The following LRCH3 variants were observed in gnomAD, a reference collection of about 807,000 sequenced individuals.
LRCH3 encodes the protein DISP complex protein LRCH3.
LRCH3 carries 68 observed loss-of-function variants against 104.5 expected under a neutral mutation model. The observed-to-expected ratio is 0.65, with a 90% CI of 0.54 to 0.80. The LOEUF is 0.80. Ranked by LOEUF, LRCH3 falls within the 30% of genes least tolerant of loss-of-function variation. The probability of loss-of-function intolerance (pLI) is 0.00; values close to 1 mark genes in which losing one functional copy is unlikely to be tolerated. For missense variants in LRCH3, 951 were observed against 953.9 expected (o/e 1.00, Z 0.04); for synonymous variants, 344 against 361.3 (o/e 0.95, Z 0.54).
At chr3:197,791,687 C>A in intron 1 of LRCH3, 147 bp downstream of exon 1, 1 of 949,020 alleles carries the variant, frequency 1.1e-6, no homozygotes, top group Non-Finnish European at 1.5e-6. Flanking sequence ...GCCGACGGCG[C>A]CAGCCCTCCG....
intron 4 of LRCH3, among the ~76,000 whole-genome samples, chr3:197,823,664 T>A (rs968241466): frequency 6.6e-6 from 1 of 151,874 alleles, no homozygotes; most frequent in Non-Finnish European, 1.5e-5. Flanking sequence ...AATTTTGTAT[T>A]GTTTTGTAGA....
chr3:197,877,492 A>G (rs1713021451), intron 20 of LRCH3, among the ~76,000 whole-genome samples: 1 of 120,962 alleles, frequency 8.3e-6, no homozygotes, highest in Non-Finnish European at 1.7e-5. Context: ...CACCCATGGC[A>G]GTGATTCTCT....
intron 9 of LRCH3, 118 bp from the exon 10 acceptor site, chr3:197,839,201 GTC>G (rs1234275400): frequency 7.8e-6 from 5 of 644,160 alleles, no homozygotes; most frequent in Non-Finnish European, 1.3e-5. Context: ...CATTTGAAGA[GTC>G]TATTAAAATG....
chr3:197,812,737 T>C (rs1488454803), intron 1 of LRCH3, among the ~76,000 whole-genome samples: 3 of 152,130 alleles, frequency 2.0e-5, no homozygotes, highest in African/African-American at 7.2e-5. Context: ...AATTTTTGTA[T>C]TTTTTGTGGA....
chr3:197,848,101 T>C, intron 12 of LRCH3, 80 bp downstream of exon 12: 1 of 1,459,042 alleles, frequency 6.9e-7, no homozygotes, highest in Non-Finnish European at 9.4e-7. Context: ...TGGTTTTTAT[T>C]GTCCATTAAA....
rs74570124 is a variant in LRCH3, at chr3:197,848,041, C to T, written c.1530+20C>T. On this transcript the variant is annotated intron_variant, in intron 12 of 20. Transcript: ENST00000425562. ...GTCAAAGTGAGTCGTTTGAATGATGCTGTTCAAGCTGCTGACTGGCTAAGT... is the reference window on the plus strand; with the variant it reads ...GTCAAAGTGAGTCGTTTGAATGATGTTGTTCAAGCTGCTGACTGGCTAAGT... 3.1e-6 allele frequency: 5 copies of T among 1,612,446 alleles called. No individual in the cohort carries two copies. The highest frequency in any genetic ancestry group is 1.7e-5 in the Admixed American group (1 of 59,880).
chr3:197,875,325 T>C (rs571367400), intron 19 of LRCH3, among the ~76,000 whole-genome samples: 2 of 152,336 alleles, frequency 1.3e-5, no homozygotes, highest in East Asian at 1.9e-4. Context: ...TTGAGAGTTA[T>C]GAAGCGATTG....
At chr3:197,838,760 T>C (rs1230949297) in intron 9 of LRCH3, among the ~76,000 whole-genome samples, 1 of 152,262 alleles carries the variant, frequency 6.6e-6, no homozygotes, top group Admixed American at 6.5e-5. Flanking sequence ...ATATTTTCCT[T>C]TTAAATACGG....
In LRCH3 at chr3:197,827,079, A is replaced by G. The variant is rs1461694789; in HGVS notation, c.777+65A>G. 2.5e-6 allele frequency: 4 copies of G among 1,594,362 alleles called. No homozygotes were observed. The African/African-American group carries it at 4.1e-5, about 16-fold the overall frequency. On this transcript the variant is annotated intron_variant, in intron 5 of 20. Coordinates refer to ENST00000425562, the MANE Select transcript of LRCH3 (RefSeq NM_001365715.1). ...GCATCAGGTAAACCACGGTGGAAGC[A>G]TCTGGTGAACCATAGTGGAAGCATC...
intron 8 of LRCH3, among the ~76,000 whole-genome samples, chr3:197,834,326 GAGA>G (rs1428408150): frequency 6.6e-6 from 1 of 152,236 alleles, no homozygotes; most frequent in East Asian, 1.9e-4. Flanking sequence ...AAAGCATTTT[GAGA>G]AGAAGAAACT....
chr3:197,825,437 A>T (rs1456366794), intron 4 of LRCH3, among the ~76,000 whole-genome samples: 3 of 34,046 alleles, frequency 8.8e-5, no homozygotes, highest in Admixed American at 5.8e-4. Context: ...ATTGGATGTT[A>T]TTAGACCTCT....
Position 197,866,241 on chromosome 3 carries a change from A to G in LRCH3, c.1873+22A>G, listed in dbSNP as rs2109494066. On this transcript the variant is annotated intron_variant, in intron 17 of 20. Transcript: ENST00000425562. ...AAAGGTAGGTGGTGGTGATTTTAAA[A>G]GCCAGGAGCGAGGGGAGGTTTACAC... 4 of 1,579,198 alleles carry G rather than the reference A, an allele frequency of 2.5e-6. No homozygotes were observed. In the African/African-American group the frequency reaches 4.0e-5, roughly 16 times the overall value.
chr3:197,840,264 G>A (rs773796609), intron 10 of LRCH3, among the ~76,000 whole-genome samples: 17 of 151,948 alleles, frequency 1.1e-4, no homozygotes, highest in Admixed American at 2.0e-4. Flanking sequence ...GTGGTGAAAC[G>A]CCGTCTCTAC....
chr3:197,880,715 A>G, intron 20 of LRCH3: 2 of 1,536,724 alleles, frequency 1.3e-6, no homozygotes, highest in Non-Finnish European at 1.7e-6. Flanking sequence ...CCGCTCGCTG[A>G]AAGATTGCAC....
chr3:197,874,024 G>GAAAAAAAAA (rs34903890), intron 19 of LRCH3, among the ~76,000 whole-genome samples: 1 of 112,296 alleles, frequency 8.9e-6, no homozygotes. Flanking sequence ...TGTCTCAAAA[G>GAAAAAAAAA]AAAAAAAAAA....
Position 197,883,088 on chromosome 3 carries a change from A to G in LRCH3, c.2209-453A>G, listed in dbSNP as rs1471183350. On this transcript the variant is annotated intron_variant, in intron 20 of 20. Transcript: ENST00000425562. The surrounding 1 kb of genome is among the most constrained non-coding windows in gnomAD (Gnocchi z 4.2). ...CTCATGCAGGCTGAGTTATGTTTTC[A>G]AACTATCTTTCATTCTTGTGGTAGG... The G allele has an allele frequency of 1.0e-6, 1 of 985,896 alleles. No homozygotes were observed. Among genetic ancestry groups the G allele is most frequent in the East Asian group, 1.1e-4 (1 of 8,840 alleles). 61.1% of individuals were successfully genotyped at this position (985,896 alleles called of 1,614,324 possible). A position where few individuals can be genotyped will look rare whatever the true frequency, so the allele number is the denominator to read the frequency against.
intron 1 of LRCH3, among the ~76,000 whole-genome samples, chr3:197,802,742 C>T (rs1580548556): frequency 1.3e-5 from 2 of 152,192 alleles, no homozygotes; most frequent in Middle Eastern, 6.8e-3. Flanking sequence ...GGAATTTATG[C>T]GTTTCTTCTG....
chr3:197,831,838 C>G (rs1735987512), intron 7 of LRCH3, among the ~76,000 whole-genome samples: 1 of 152,038 alleles, frequency 6.6e-6, no homozygotes, highest in Non-Finnish European at 1.5e-5. Context: ...CCAGGCTAGT[C>G]TCAAACTCCT....
chr3:197,832,411 A>AT, intron 8 of LRCH3, 94 bp downstream of exon 8: 1 of 1,276,146 alleles, frequency 7.8e-7, no homozygotes, highest in Non-Finnish European at 1.1e-6. Flanking sequence ...TGGTGTATCT[A>AT]TAGCTTCTTC....
Sources: gnomAD v4.1 joint callset for allele counts (sites outside exome capture counted in the v4.1 genomes callset) on GRCh38, gnomAD v4.1.1 for gene constraint, Gnocchi (gnomAD v3.1) non-coding constraint, MANE v1.5 for transcripts, NCBI Gene and HGNC (gene_info 2026-07-23, HGNC 2026-07-21) for gene names.